Variants in HIVEP3 observed in about 807,000 individuals in gnomAD.
HIVEP3 encodes the protein HIVEP zinc finger 3.
In HIVEP3, 49 loss-of-function variants were observed where a neutral mutation model predicts 152.8. The observed-to-expected ratio is 0.32, with a 90% confidence interval of 0.26 to 0.41. The LOEUF (loss-of-function observed/expected upper bound fraction) is 0.41, where lower values mean the gene tolerates loss of function less well. Among genes scored for constraint, HIVEP3 ranks in the 10% least tolerant of loss-of-function variants. The pLI is 1.00. For synonymous variants in HIVEP3, 1,269 were observed against 1,289.0 expected, an observed-to-expected ratio of 0.98 and a Z score of 0.33; for missense variants, 2,790 against 3,103.3, an observed-to-expected ratio of 0.90 and a Z score of 2.40.
At chr1:41,640,940 G>A (rs1204543484) in intron 2 of HIVEP3, among the ~76,000 whole-genome samples, 1 of 152,174 alleles carries the variant, frequency 6.6e-6, no homozygotes, top group Admixed American at 6.5e-5. Flanking sequence ...GGCCTTCTTC[G>A]AGTCCTTGAC....
chr1:41,960,820 T>C (rs1645165674), intron 1 of HIVEP3, among the ~76,000 whole-genome samples: 1 of 152,114 alleles, frequency 6.6e-6, no homozygotes, highest in African/African-American at 2.4e-5. Flanking sequence ...TCCACTCTCC[T>C]CCCCCTCCAC....
intron 1 of HIVEP3, among the ~76,000 whole-genome samples, chr1:41,936,803 T>A (rs1435081628): frequency 6.6e-6 from 1 of 152,218 alleles, no homozygotes; most frequent in African/African-American, 2.4e-5. Context: ...TTATACTGGA[T>A]GACCATATGC....
At chr1:41,514,249 C>T (rs72669007) in intron 7 of HIVEP3, among the ~76,000 whole-genome samples, 23 of 152,224 alleles carry the variant, frequency 1.5e-4, no homozygotes, top group Admixed American at 2.0e-4. Flanking sequence ...CCCCCTTTGT[C>T]GAATGAATGT....
chr1:41,747,911 C>T (rs1046744173), intron 1 of HIVEP3, among the ~76,000 whole-genome samples: 1 of 152,122 alleles, frequency 6.6e-6, no homozygotes, highest in African/African-American at 2.4e-5. Flanking sequence ...CCAGTGATTC[C>T]ACTCGGAAGC....
intron 1 of HIVEP3, among the ~76,000 whole-genome samples, chr1:41,793,824 T>G (rs535044311): frequency 6.6e-6 from 1 of 152,262 alleles, no homozygotes; most frequent in South Asian, 2.1e-4. Flanking sequence ...AACGTAGAAA[T>G]GCACAAAGAA....
intron 1 of HIVEP3, among the ~76,000 whole-genome samples, chr1:41,939,419 G>A (rs984442159): frequency 1.3e-5 from 2 of 152,148 alleles, no homozygotes; most frequent in Admixed American, 6.5e-5. Flanking sequence ...ACGAGTCTCC[G>A]GAAAGGTGGG....
intron 1 of HIVEP3, among the ~76,000 whole-genome samples, chr1:41,846,682 T>A (rs974435345): frequency 7.9e-5 from 12 of 152,256 alleles, no homozygotes; most frequent in African/African-American, 2.9e-4. Context: ...GTTTTTCCTC[T>A]TACTACACTG....
In HIVEP3 at chr1:41,662,758, G is replaced by C. The variant is rs1645737095; in HGVS notation, c.-720-33811C>G. Among the ~76,000 whole-genome samples, 1 of 151,752 alleles carries C rather than the reference G, an allele frequency of 6.6e-6. No individual in the cohort carries two copies. Among genetic ancestry groups the C allele is most frequent in the African/African-American group, 2.4e-5 (1 of 41,364 alleles). On this transcript the variant is annotated intron_variant, in intron 2 of 8. Transcript: ENST00000372583. This position sits in a 1 kb window ranked among gnomAD's most constrained non-coding sequence, Gnocchi z 7.2. ...CTGTCTTTTCCTCCTGGGCCCTCTA[G>C]GGAGGGCAGACAGGGAAGCCCCTGT... is the stretch of plus-strand genomic sequence containing the variant.
chr1:41,647,635 G>GC lies in HIVEP3; in HGVS notation c.-720-18689dup, dbSNP rs142893968. Among the ~76,000 whole-genome samples the GC allele has an allele frequency of 8.9e-3, 1,352 of 152,344 alleles. 14 individuals are homozygous for GC. Among genetic ancestry groups the GC allele is most frequent in the African/African-American group, 0.031 (1,282 of 41,578 alleles). ...GGCCTTGGGGAACACTCCTCCTGCA[G>GC]CCTGGCTCCAGCAGGGGGAACATAG... On this transcript the variant is annotated intron_variant, in intron 2 of 8. Transcript: ENST00000372583.
chr1:42,030,454 A>T (rs1221637046), intron 1 of HIVEP3, among the ~76,000 whole-genome samples: 1 of 152,180 alleles, frequency 6.6e-6, no homozygotes, highest in African/African-American at 2.4e-5. Context: ...AACTCTCCAC[A>T]ACTGATACCA....
At chr1:42,009,382 A>G (rs1270490786) in intron 1 of HIVEP3, among the ~76,000 whole-genome samples, 1 of 152,212 alleles carries the variant, frequency 6.6e-6, no homozygotes, top group Admixed American at 6.5e-5. Flanking sequence ...AAAGGAAACT[A>G]AGGCATTTAA....
chr1:41,779,388 CA>C (rs769632924), intron 1 of HIVEP3, among the ~76,000 whole-genome samples: 24 of 152,230 alleles, frequency 1.6e-4, no homozygotes, highest in Non-Finnish European at 1.9e-4. Flanking sequence ...GTGCCTATCA[CA>C]GGGGCTATTG....
chr1:41,745,750 G>C (rs1356067054), intron 1 of HIVEP3, among the ~76,000 whole-genome samples: 1 of 152,204 alleles, frequency 6.6e-6, no homozygotes, highest in Non-Finnish European at 1.5e-5. Flanking sequence ...TTAGAGCAGG[G>C]TTGTGGGGGT....
intron 3 of HIVEP3, among the ~76,000 whole-genome samples, chr1:41,625,738 AAAAT>A (rs1645108600): frequency 6.6e-6 from 1 of 152,230 alleles, no homozygotes; most frequent in Non-Finnish European, 1.5e-5. Context: ...GTATATATCA[AAAAT>A]AAATAAATAA....
rs777555095 is a variant in HIVEP3, at chr1:41,579,993, G to A, written c.4805C>T (p.Thr1602Ile). ...VLQFPSLHTT[T>I]NVSWCYLNYI... Reference sequence around the variant, plus strand: ...GTTTAAATAGCACCAACTGACATTAGTGGTTGTGTGGAGGCTGGGGAACTG... The same window carrying A: ...GTTTAAATAGCACCAACTGACATTAATGGTTGTGTGGAGGCTGGGGAACTG... The change falls in exon 4 of 9, where the codon ACT becomes ATT. Residue 1602 changes from threonine (T) to isoleucine (I), a missense_variant. Coordinates refer to ENST00000372583, the MANE Select transcript of HIVEP3 (RefSeq NM_024503.5). 1.9e-6 allele frequency: 3 copies of A among 1,614,262 alleles called. No individual in the cohort carries two copies. Among genetic ancestry groups the A allele is most frequent in the Non-Finnish European group, 2.5e-6 (3 of 1,180,052 alleles).
At chr1:41,807,323 C>T (rs1268552690) in intron 1 of HIVEP3, among the ~76,000 whole-genome samples, 1 of 152,130 alleles carries the variant, frequency 6.6e-6, no homozygotes, top group South Asian at 2.1e-4. Context: ...ATGACCCTGT[C>T]ATCTGTTAGG....
At chr1:41,627,287 T>G (rs141470021) in intron 3 of HIVEP3, among the ~76,000 whole-genome samples, 1 of 152,342 alleles carries the variant, frequency 6.6e-6, no homozygotes, top group East Asian at 1.9e-4. Flanking sequence ...AGCCTCATTT[T>G]GCAAGTGAGA....
chr1:41,689,751 C>T (rs1438526079), intron 2 of HIVEP3, among the ~76,000 whole-genome samples: 1 of 152,218 alleles, frequency 6.6e-6, no homozygotes, highest in Non-Finnish European at 1.5e-5. Flanking sequence ...ATGTCCCTGG[C>T]CCAGCTAATC....
intron 5 of HIVEP3, among the ~76,000 whole-genome samples, chr1:41,555,507 T>C (rs890351459): frequency 6.6e-6 from 1 of 152,066 alleles, no homozygotes; most frequent in Non-Finnish European, 1.5e-5. Flanking sequence ...CTGCACCCAC[T>C]CTCCAACCAG....
Sources: gnomAD v4.1 joint callset for allele counts (sites outside exome capture counted in the v4.1 genomes callset) on GRCh38, gnomAD v4.1.1 for gene constraint, Gnocchi (gnomAD v3.1) non-coding constraint, MANE v1.5 for transcripts, NCBI Gene and HGNC (gene_info 2026-07-23, HGNC 2026-07-21) for gene names.